Variants in PSD3 observed in about 807,000 individuals in gnomAD.
PSD3 encodes the protein pleckstrin and Sec7 domain containing 3.
Under a neutral mutation model 105.5 loss-of-function variants are expected in PSD3, and 49 were observed. That is an observed-to-expected ratio of 0.46 (90% CI 0.37 to 0.59). PSD3 has a LOEUF of 0.59. Ranked by LOEUF, PSD3 falls within the 20% of genes least tolerant of loss-of-function variation. The pLI is 0.00. For missense variants in PSD3, 1,561 were observed against 1,263.8 expected (o/e 1.24, Z -3.57); for synonymous variants, 557 against 457.8 (o/e 1.22, Z -2.77).
At chr8:18,899,977 C>A (rs938039568) in intron 2 of PSD3, among the ~76,000 whole-genome samples, 1 of 151,846 alleles carries the variant, frequency 6.6e-6, no homozygotes, top group African/African-American at 2.4e-5. Context: ...CTTTGTGGAA[C>A]TGTTTTCCAG....
chr8:18,982,483 C>T (rs772315746), intron 1 of PSD3, among the ~76,000 whole-genome samples: 2 of 152,172 alleles, frequency 1.3e-5, no homozygotes, highest in Non-Finnish European at 2.9e-5. Flanking sequence ...ACTTTGCCCA[C>T]ATCCATCAGA....
chr8:18,902,475 A>C (rs1022119158), intron 2 of PSD3, among the ~76,000 whole-genome samples: 1 of 152,214 alleles, frequency 6.6e-6, no homozygotes, highest in Non-Finnish European at 1.5e-5. Flanking sequence ...TTCATATTCC[A>C]CCAAGTCATT....
At chr8:18,766,208 C>T (rs11778698) in intron 8 of PSD3, among the ~76,000 whole-genome samples, 64,751 of 151,646 alleles carry the variant, frequency 0.43, 17,260 homozygotes, top group Non-Finnish European at 0.6. Context: ...GTGGCAGGCG[C>T]CTGTAGTCCT....
At chr8:18,752,271 C>A (rs143716377) in intron 9 of PSD3, among the ~76,000 whole-genome samples, 1 of 150,128 alleles carries the variant, frequency 6.7e-6, no homozygotes, top group African/African-American at 2.5e-5. Flanking sequence ...CTGTGTTTTA[C>A]GGAAAACTGA....
chr8:18,856,795 T>C (rs1195421829), intron 4 of PSD3, among the ~76,000 whole-genome samples: 1 of 152,194 alleles, frequency 6.6e-6, no homozygotes, highest in Non-Finnish European at 1.5e-5. Flanking sequence ...CCACAGTCCA[T>C]TCATACTGGG....
rs578137541 is a variant in PSD3, at chr8:19,042,926, AT to A, written c.324+41279del. Among the ~76,000 whole-genome samples the A allele has an allele frequency of 7.4e-4, 112 of 152,340 alleles. 2 individuals are homozygous for A. The highest frequency in any genetic ancestry group is 2.6e-3 in the African/African-American group (108 of 41,588). ...CTTCCATCGTTATAAAATCAAAAAG[AT>A]TAATTGTACCAGTGAGCTGGCCAAC... On this transcript the variant is annotated intron_variant, in intron 1 of 1. Coordinates refer to the PSD3 transcript ENST00000521475.
At chr8:18,826,435 T>C (rs1318498063) in intron 4 of PSD3, among the ~76,000 whole-genome samples, 1 of 152,224 alleles carries the variant, frequency 6.6e-6, no homozygotes, top group Non-Finnish European at 1.5e-5. Flanking sequence ...CAATTTCCCT[T>C]CTAACTTGCC....
chr8:18,949,245 AT>A (rs1219994061), intron 1 of PSD3, among the ~76,000 whole-genome samples: 615 of 35,150 alleles, frequency 0.017, 23 homozygotes, highest in African/African-American at 0.065. Flanking sequence ...AAAAAAAAAA[AT>A]ATATATATAT....
chr8:18,731,641 G>A (rs1436528752), intron 9 of PSD3, among the ~76,000 whole-genome samples: 1 of 152,092 alleles, frequency 6.6e-6, no homozygotes, highest in Admixed American at 6.5e-5. Context: ...GTGCTCAAAG[G>A]AAATTGCTTA....
chr8:18,821,640 A>G (rs1812714667), intron 4 of PSD3, among the ~76,000 whole-genome samples: 1 of 151,272 alleles, frequency 6.6e-6, no homozygotes, highest in Non-Finnish European at 1.5e-5. Flanking sequence ...TGCAGATAAT[A>G]TTAAATAGCA....
chr8:18,625,729 T>A (rs566015609), intron 11 of PSD3, among the ~76,000 whole-genome samples: 11 of 152,340 alleles, frequency 7.2e-5, no homozygotes, highest in Non-Finnish European at 1.3e-4. Flanking sequence ...ACTGCTATTC[T>A]ATACTACATC....
At chr8:19,061,122 C>T (rs1359297703) in intron 1 of PSD3, among the ~76,000 whole-genome samples, 2 of 152,094 alleles carry the variant, frequency 1.3e-5, no homozygotes, top group Non-Finnish European at 2.9e-5. Flanking sequence ...ATCCTCACCC[C>T]TTCCCATTTT....
intron 15 of PSD3, among the ~76,000 whole-genome samples, chr8:18,548,919 TC>T (rs1800603644): frequency 6.6e-6 from 1 of 152,186 alleles, no homozygotes; most frequent in Non-Finnish European, 1.5e-5. Flanking sequence ...CTGCTTTCAA[TC>T]TTTCTCAACC....
At chr8:18,895,894 A>G (rs1819118658) in intron 2 of PSD3, among the ~76,000 whole-genome samples, 1 of 152,206 alleles carries the variant, frequency 6.6e-6, no homozygotes, top group African/African-American at 2.4e-5. Flanking sequence ...GAATACTAGA[A>G]CTTATTCATC....
At chr8:18,890,802 C>A (rs1316531697) in intron 2 of PSD3, among the ~76,000 whole-genome samples, 3 of 151,274 alleles carry the variant, frequency 2.0e-5, no homozygotes, top group East Asian at 3.9e-4. Flanking sequence ...GTGCTGCAAA[C>A]TGCACTGGGG....
rs2130792534 is a variant in PSD3 at position 18,639,202 on chromosome 8, G to A, written c.2217-6396C>T. 1.3e-5 allele frequency among the ~76,000 whole-genome samples: 2 copies of A among 152,296 alleles called. 1 individual carries two copies. The highest frequency in any genetic ancestry group is 4.1e-4 in the South Asian group (2 of 4,826). ...AAGGACTATGCTATACCATGCTGTG[G>A]AGGGAGTCGGGTAAGGGCAAATAAC... On this transcript the variant is annotated intron_variant, in intron 10 of 15. Coordinates refer to ENST00000327040, the MANE Select transcript of PSD3 (RefSeq NM_015310.4).
chr8:19,027,100 C>A (rs1200043155), intron 1 of PSD3, among the ~76,000 whole-genome samples: 1 of 151,982 alleles, frequency 6.6e-6, no homozygotes, highest in African/African-American at 2.4e-5. Context: ...GCATTATGAA[C>A]CCTTACATTG....
chr8:18,743,997 ACCCAGAAGTTC>A (rs1804790034), intron 9 of PSD3, among the ~76,000 whole-genome samples: 1 of 141,392 alleles, frequency 7.1e-6, no homozygotes, highest in African/African-American at 2.8e-5. Context: ...CACCACCACC[ACCCAGAAGTTC>A]CCTAATATGC....
chr8:18,940,415 C>T (rs1231355837), intron 1 of PSD3: 8 of 152,240 alleles, frequency 5.3e-5, no homozygotes, highest in Middle Eastern at 3.4e-3. Flanking sequence ...CTAAAGCTTC[C>T]GAATGAAGCC....
Sources: allele counts gnomAD v4.1 joint callset (sites outside exome capture counted in the v4.1 genomes callset), GRCh38; gene constraint gnomAD v4.1.1; transcripts MANE v1.5; gene names NCBI Gene and HGNC (gene_info 2026-07-23, HGNC 2026-07-21).